The following ADD3 variants were observed in gnomAD, a reference collection of about 807,000 sequenced individuals.
ADD3 encodes gamma-adducin.
In ADD3, 25 loss-of-function variants were observed where a neutral mutation model predicts 80.2. That is an observed-to-expected ratio of 0.31 (90% confidence interval 0.23 to 0.44). The LOEUF (loss-of-function observed/expected upper bound fraction) is 0.44. Among genes scored for constraint, ADD3 ranks in the 20% least tolerant of loss-of-function variants. ADD3 has a pLI of 1.00. For missense variants in ADD3, 829 were observed against 847.5 expected, an observed-to-expected ratio of 0.98 and a Z score of 0.27; for synonymous variants, 284 against 289.6, an observed-to-expected ratio of 0.98 and a Z score of 0.20.
intron 1 of ADD3, among the ~76,000 whole-genome samples, chr10:110,023,177 G>T (rs1314304854): frequency 1.3e-5 from 2 of 152,154 alleles, no homozygotes; most frequent in Admixed American, 1.3e-4. Flanking sequence ...ATGGTATTTG[G>T]TGTGTGATGG....
chr10:110,053,426 C>A (rs917042087), intron 1 of ADD3, among the ~76,000 whole-genome samples: 22 of 143,640 alleles, frequency 1.5e-4, no homozygotes, highest in African/African-American at 6.0e-4. Context: ...TAAAGGTCAT[C>A]TCTATGTGTT....
At chr10:110,132,800 G>A (rs1031734966) in intron 14 of ADD3, 39 of 164,866 alleles carry the variant, frequency 2.4e-4, no homozygotes, top group African/African-American at 5.1e-4. Context: ...GGTGGCGGGC[G>A]CCTGTAGTCC....
chr10:110,014,860 C>G lies in ADD3; in HGVS notation c.-30+6561C>G, dbSNP rs1363663859. 1.4e-4 allele frequency among the ~76,000 whole-genome samples: 22 copies of G among 151,832 alleles called. 1 individual carries two copies. Among genetic ancestry groups the G allele is most frequent in the Admixed American group, 1.4e-3 (22 of 15,240 alleles). On this transcript the variant is annotated intron_variant, in intron 1 of 14. Coordinates refer to ENST00000356080, the MANE Select transcript of ADD3 (RefSeq NM_016824.5). ...CAGTTTTTATTGTCAGAGTTGAGTTCACTTTCCTAAGGGAAGGTAGAATTT... is the reference window on the plus strand; with the variant it reads ...CAGTTTTTATTGTCAGAGTTGAGTTGACTTTCCTAAGGGAAGGTAGAATTT...
At chr10:110,065,381 T>C (rs537805234) in intron 1 of ADD3, among the ~76,000 whole-genome samples, 5 of 151,854 alleles carry the variant, frequency 3.3e-5, no homozygotes, top group Admixed American at 6.6e-5. Flanking sequence ...CTGCAAAAAG[T>C]CTCTAGCCAT....
rs145476776 is a variant in ADD3 at position 110,107,464 on chromosome 10, G to A, written c.196-5313G>A. ...AGAACCTCATAGGCTAAAGCATGAG[G>A]TAGTAATGGCAGATAAAGCAAAAAA... On this transcript the variant is annotated intron_variant, in intron 2 of 14. Coordinates refer to ENST00000356080, the MANE Select transcript of ADD3 (RefSeq NM_016824.5). Among the ~76,000 whole-genome samples, 117 of 152,234 alleles carry A rather than the reference G, an allele frequency of 7.7e-4. 1 individual carries two copies. In the East Asian group the frequency reaches 0.02, roughly 26 times the overall value.
intron 1 of ADD3, among the ~76,000 whole-genome samples, chr10:110,025,076 A>G (rs1370147564): frequency 2.0e-5 from 3 of 151,622 alleles, no homozygotes; most frequent in Non-Finnish European, 4.4e-5. Flanking sequence ...TTGTATTTTT[A>G]ATAGCGTCGG....
chr10:110,133,683 G>T lies in ADD3; in HGVS notation c.*65G>T. 1 of 1,324,554 alleles carries T rather than the reference G, an allele frequency of 7.5e-7. No individual in the cohort carries two copies. The highest frequency in any genetic ancestry group is 1.0e-6 in the Non-Finnish European group (1 of 987,090). The allele number at this position is 1,324,554 out of a possible 1,614,324, so 82.1% of individuals were successfully genotyped here. On this transcript the variant is annotated 3_prime_UTR_variant, in exon 15 of 15. Transcript: ENST00000356080. ...TTGCACATCTAAATACCACATTTAA[G>T]TTGATCATTAATATGCAATGGTAGA... is the stretch of plus-strand genomic sequence containing the variant.
At chr10:110,109,717 CAGA>C (rs939244108) in intron 2 of ADD3, among the ~76,000 whole-genome samples, 1 of 152,106 alleles carries the variant, frequency 6.6e-6, no homozygotes, top group Non-Finnish European at 1.5e-5. Flanking sequence ...GCCATGTGTC[CAGA>C]AGTTTTCTGT....
At chr10:110,043,310 G>T in intron 1 of ADD3, among the ~76,000 whole-genome samples, 1 of 151,922 alleles carries the variant, frequency 6.6e-6, no homozygotes, top group East Asian at 1.9e-4. Flanking sequence ...CCTCCTCCCA[G>T]GTTTCTTTTT....
At chr10:110,092,685 T>G (rs1020482998) in intron 1 of ADD3, among the ~76,000 whole-genome samples, 1 of 152,090 alleles carries the variant, frequency 6.6e-6, no homozygotes, top group Non-Finnish European at 1.5e-5. Context: ...AATTTACCTA[T>G]GTAACAGACC....
intron 2 of ADD3, among the ~76,000 whole-genome samples, chr10:110,103,743 G>A (rs61881639): frequency 0.13 from 20,341 of 152,086 alleles, 1,791 homozygotes; most frequent in East Asian, 0.4. Context: ...GTGTTGCCCA[G>A]GCTAGTGTGC....
At chr10:110,095,198 G>A (rs1260398955) in intron 1 of ADD3, among the ~76,000 whole-genome samples, 2 of 152,138 alleles carry the variant, frequency 1.3e-5, no homozygotes, top group Non-Finnish European at 2.9e-5. Context: ...AGCTTCTCAG[G>A]TTGGATTTTT....
chr10:110,111,749 C>T (rs761693416), intron 2 of ADD3, among the ~76,000 whole-genome samples: 6 of 152,084 alleles, frequency 3.9e-5, no homozygotes, highest in Non-Finnish European at 7.4e-5. Context: ...AACCCTGTCT[C>T]TACTAAAAAT....
rs533774812 is a variant in ADD3 at position 110,044,814 on chromosome 10, C to G, written c.-30+36515C>G. Among the ~76,000 whole-genome samples the G allele has an allele frequency of 2.0e-5, 3 of 152,300 alleles. No individual in the cohort carries two copies. The East Asian group carries it at 5.8e-4, about 29-fold the overall frequency. The stretch of plus-strand genomic sequence containing the variant: ...GGACTAGGTAACTGTATGACCTTAT[C>G]AAATGCTGTTTCTAAAAGTGCTATA... On this transcript the variant is annotated intron_variant, in intron 1 of 14. Coordinates refer to ENST00000356080, the MANE Select transcript of ADD3 (RefSeq NM_016824.5).
intron 9 of ADD3, among the ~76,000 whole-genome samples, chr10:110,123,639 C>G (rs1165905189): frequency 6.6e-6 from 1 of 152,164 alleles, no homozygotes; most frequent in African/African-American, 2.4e-5. Context: ...TTACCCTCTT[C>G]TGTGAAGGCT....
At chr10:110,123,660 A>G (rs888713547) in intron 9 of ADD3, among the ~76,000 whole-genome samples, 5 of 152,188 alleles carry the variant, frequency 3.3e-5, no homozygotes, top group African/African-American at 1.2e-4. Context: ...CAGAAGGCTG[A>G]CTGCCTTCAG....
rs188788059 is a variant in ADD3 at position 110,047,178 on chromosome 10, G to C, written c.-30+38879G>C. 1.0e-3 allele frequency among the ~76,000 whole-genome samples: 158 copies of C among 152,214 alleles called. No individual in the cohort carries two copies. In the Middle Eastern group the frequency reaches 0.014, roughly 13 times the overall value. ...TTCATTATCTTTCCATTTACCTTTA[G>C]GGCAGTTGTAAAAGTCATGCTATTA... On this transcript the variant is annotated intron_variant, in intron 1 of 14. Coordinates refer to ENST00000356080, the MANE Select transcript of ADD3 (RefSeq NM_016824.5).
chr10:110,036,774 TA>T (rs1470963923), intron 1 of ADD3, among the ~76,000 whole-genome samples: 1 of 152,192 alleles, frequency 6.6e-6, no homozygotes, highest in African/African-American at 2.4e-5. Flanking sequence ...ATTGGCTGTT[TA>T]AGGCATGGGG....
At chr10:110,058,412 T>C (rs1460514493) in intron 1 of ADD3, among the ~76,000 whole-genome samples, 1 of 152,206 alleles carries the variant, frequency 6.6e-6, no homozygotes, top group African/African-American at 2.4e-5. Context: ...CGATTCTACA[T>C]GTTCTTTATT....
Sources: gnomAD v4.1 joint callset for allele counts (sites outside exome capture counted in the v4.1 genomes callset) on GRCh38, gnomAD v4.1.1 for gene constraint, MANE v1.5 for transcripts, NCBI Gene and HGNC (gene_info 2026-07-23, HGNC 2026-07-21) for gene names.